Variants in CERK observed in about 807,000 individuals in gnomAD.
CERK encodes the protein ceramide kinase.
A neutral mutation model predicts 63.4 loss-of-function variants in CERK; 39 were observed. The observed-to-expected ratio is 0.61, with a 90% CI of 0.48 to 0.80. The LOEUF (loss-of-function observed/expected upper bound fraction) is 0.80. Ranked by LOEUF, CERK falls within the 30% of genes least tolerant of loss-of-function variation. The pLI is 0.00. For synonymous variants in CERK, 302 were observed against 280.0 expected, an observed-to-expected ratio of 1.08 and a Z score of -0.78; for missense variants, 670 against 714.1, an observed-to-expected ratio of 0.94 and a Z score of 0.70.
intron 1 of CERK, among the ~76,000 whole-genome samples, chr22:46,735,001 C>G (rs1443938817): frequency 6.6e-6 from 1 of 152,098 alleles, no homozygotes; most frequent in Admixed American, 6.6e-5. Context: ...TGGGACATCC[C>G]AAGTGGGGTT....
intron 2 of CERK, 31 bp downstream of exon 2, chr22:46,720,871 G>T: frequency 1.5e-6 from 2 of 1,317,464 alleles, no homozygotes; most frequent in South Asian, 1.2e-5. Context: ...AATTAATGAA[G>T]AATGTGGGAG....
intron 1 of CERK, among the ~76,000 whole-genome samples, chr22:46,734,227 G>A (rs1011857470): frequency 6.6e-6 from 1 of 152,018 alleles, no homozygotes; most frequent in Non-Finnish European, 1.5e-5. Context: ...CCATCAGCAG[G>A]TGAACGGATA....
In CERK at chr22:46,689,997, C is replaced by T. The variant is rs907154761; in HGVS notation, c.1536G>A (p.Glu512=). The change falls in exon 12 of 13, where the codon GAG becomes GAA. Residue 512 remains glutamate, a synonymous_variant. Coordinates refer to ENST00000216264, the MANE Select transcript of CERK (RefSeq NM_022766.6). ...DGEVLHSPAI[E]VRVHCQLVRL... is the part of the protein sequence containing the mutation. ...TGGAGGACCCCTGCACGCACCTGAC[C>T]TCGATGGCAGGGCTGTGCAGGACCT... 2.5e-6 allele frequency: 4 copies of T among 1,603,678 alleles called. No individual in the cohort carries two copies. In the African/African-American group the frequency reaches 5.3e-5, roughly 21 times the overall value.
At chr22:46,703,845 C>G (rs576408628) in intron 6 of CERK, among the ~76,000 whole-genome samples, 128 of 152,168 alleles carry the variant, frequency 8.4e-4, no homozygotes, top group African/African-American at 2.9e-3. Flanking sequence ...CCCTCGGGCC[C>G]TGCCCTGCCC....
intron 6 of CERK, among the ~76,000 whole-genome samples, chr22:46,706,431 T>C (rs1379780595): frequency 6.6e-6 from 1 of 152,146 alleles, no homozygotes; most frequent in Non-Finnish European, 1.5e-5. Flanking sequence ...GCTATAATGC[T>C]TTGGTTTATC....
At chr22:46,691,025 A>G (rs1159849660) in intron 11 of CERK, among the ~76,000 whole-genome samples, 3 of 147,346 alleles carry the variant, frequency 2.0e-5, no homozygotes, top group South Asian at 2.1e-4. Flanking sequence ...ATATATGTAT[A>G]TATACACATA....
rs1041009354 is a variant in CERK, at chr22:46,699,298, A to G, written c.943+15T>C. On this transcript the variant is annotated intron_variant, in intron 8 of 12. Coordinates refer to ENST00000216264, the MANE Select transcript of CERK (RefSeq NM_022766.6). ...CACGACCAGCGGGGAGCGAGTCTGC[A>G]TTATTCTGAGTTACCTGAAAAGTCG... 2 of 1,613,860 alleles carry G rather than the reference A, an allele frequency of 1.2e-6. No individual in the cohort carries two copies. The highest frequency in any genetic ancestry group is 1.1e-5 in the South Asian group (1 of 91,070).
In CERK at chr22:46,707,891, G is replaced by A. The variant is rs146724281; in HGVS notation, c.667C>T (p.Arg223Trp). The A allele has an allele frequency of 1.5e-4, 243 of 1,613,854 alleles. No homozygotes were observed. The highest frequency in any genetic ancestry group is 2.4e-4 in the South Asian group (22 of 91,064). Reference protein sequence around the residue: ...RSAGVDQNHPRAVLVPSSLRI... With the variant: ...RSAGVDQNHPWAVLVPSSLRI... ...AGGCTACTGGGGACCAGCACAGCCC[G>A]GGGGTGGTTCTGGTCGACCCCGGCG... Residue 223 changes from arginine (R) to tryptophan (W), a missense_variant, in exon 6 of 13, where the codon CGG (arginine) becomes TGG (tryptophan). Physicochemically the swap from Arg to Trp is moderately radical, Grantham distance 101. Transcript: ENST00000216264.
intron 8 of CERK, among the ~76,000 whole-genome samples, chr22:46,697,504 T>A (rs1447682822): frequency 6.6e-6 from 1 of 150,982 alleles, no homozygotes; most frequent in African/African-American, 2.5e-5. Flanking sequence ...AGGCTGAAAT[T>A]CTACTTTTCT....
chr22:46,708,304 CAA>C (rs1421586148), intron 5 of CERK, among the ~76,000 whole-genome samples: 3 of 152,256 alleles, frequency 2.0e-5, no homozygotes, highest in African/African-American at 7.2e-5. Flanking sequence ...TCTCAGGACT[CAA>C]GTTTGCGGGG....
chr22:46,712,168 C>A lies in CERK; in HGVS notation c.505G>T (p.Val169Phe). 1 of 1,613,966 alleles carries A rather than the reference C, an allele frequency of 6.2e-7. No individual in the cohort carries two copies. The highest frequency in any genetic ancestry group is 1.3e-5 in the African/African-American group (1 of 75,034). ...ACATAGTTAACATAGAATTTGTTACCGATGATGTCAGTGGTGATGGAGGCT... is the reference window on the plus strand; with the variant it reads ...ACATAGTTAACATAGAATTTGTTACAGATGATGTCAGTGGTGATGGAGGCT... ...TLASITTDII[V>F]TEHANQAKET... The change falls in exon 4 of 13, where the codon GTT becomes TTT. Residue 169 changes from valine (V) to phenylalanine (F), a missense_variant and splice_region_variant. Transcript: ENST00000216264.
chr22:46,709,068 G>A lies in CERK; in HGVS notation c.570-1080C>T, dbSNP rs879808561. On this transcript the variant is annotated intron_variant, in intron 5 of 12. Transcript: ENST00000216264. ...ATGGGAAGGCTCTTTGCCCTTCCCC[G>A]TAGCCTACACCTTGCACCGGGGCAG... 5.9e-5 allele frequency among the ~76,000 whole-genome samples: 9 copies of A among 152,308 alleles called. No homozygotes were observed. In the East Asian group the frequency reaches 1.4e-3, roughly 23 times the overall value.
At chr22:46,727,043 A>C (rs78759669) in intron 1 of CERK, among the ~76,000 whole-genome samples, 44 of 152,252 alleles carry the variant, frequency 2.9e-4, no homozygotes, top group African/African-American at 1.0e-3. Flanking sequence ...CACCATGCAA[A>C]TCTAACAAAG....
At chr22:46,717,484 A>C (rs2082872002) in intron 3 of CERK, among the ~76,000 whole-genome samples, 1 of 152,288 alleles carries the variant, frequency 6.6e-6, no homozygotes, top group South Asian at 2.1e-4. Context: ...GAGAGCGTGG[A>C]AAATTTATGC....
At chr22:46,705,626 G>A (rs976764391) in intron 6 of CERK, among the ~76,000 whole-genome samples, 3 of 152,000 alleles carry the variant, frequency 2.0e-5, no homozygotes, top group Non-Finnish European at 4.4e-5. Context: ...AGCCAAGATC[G>A]CACCACTGCA....
At chr22:46,708,459 G>A (rs906355949) in intron 5 of CERK, among the ~76,000 whole-genome samples, 8 of 152,368 alleles carry the variant, frequency 5.3e-5, no homozygotes, top group Non-Finnish European at 7.3e-5. Flanking sequence ...GCTCTGTCCC[G>A]TCAGAAATCT....
chr22:46,738,068 G>T lies in CERK; in HGVS notation c.81C>A (p.Pro27=), dbSNP rs1051959343. The T allele has an allele frequency of 2.4e-6, 3 of 1,261,844 alleles. No individual in the cohort carries two copies. The highest frequency in any genetic ancestry group is 3.2e-5 in the African/African-American group (2 of 62,962). 78.2% of individuals were successfully genotyped at this position (1,261,844 alleles called of 1,614,324 possible). ...KQQRCAVSLE[P]ARALLRWWRS... is the part of the protein sequence containing the mutation. ...GCCACCAGCGCAGCAGAGCCCGCGCGGGCTCCAGGCTCACGGCGCAGCGCT... is the reference window on the plus strand; with the variant it reads ...GCCACCAGCGCAGCAGAGCCCGCGCTGGCTCCAGGCTCACGGCGCAGCGCT... The change falls in exon 1 of 13, where the codon CCC becomes CCA. Residue 27 remains proline, a synonymous_variant. Coordinates refer to ENST00000216264, the MANE Select transcript of CERK (RefSeq NM_022766.6).
intron 7 of CERK, 79 bp downstream of exon 7, chr22:46,701,557 A>C: frequency 8.0e-7 from 1 of 1,250,436 alleles, no homozygotes; most frequent in Non-Finnish European, 1.1e-6. Context: ...GGAACACGCG[A>C]CGGGGACCAG....
At chr22:46,702,221 A>ATG (rs1466132272) in intron 6 of CERK, among the ~76,000 whole-genome samples, 4,707 of 113,088 alleles carry the variant, frequency 0.042, 144 homozygotes, top group African/African-American at 0.086. Context: ...AAAAATATAT[A>ATG]TATGTGTGTG....
Sources: allele counts gnomAD v4.1 joint callset (sites outside exome capture counted in the v4.1 genomes callset), GRCh38; gene constraint gnomAD v4.1.1; transcripts MANE v1.5; gene names NCBI Gene and HGNC (gene_info 2026-07-23, HGNC 2026-07-21).